The following AGBL5 variants were observed in gnomAD, a reference collection of about 807,000 sequenced individuals.
AGBL5 encodes the protein cytosolic carboxypeptidase-like protein 5.
Under a neutral mutation model 88.0 loss-of-function variants are expected in AGBL5, and 51 were observed. The observed-to-expected ratio is 0.58, with a 90% CI of 0.46 to 0.73. The LOEUF (loss-of-function observed/expected upper bound fraction) is 0.73, where lower values mean the gene tolerates loss of function less well. Among genes scored for constraint, AGBL5 ranks in the 30% least tolerant of loss-of-function variants. The pLI is 0.00. For missense variants in AGBL5, 1,031 were observed against 1,162.2 expected (o/e 0.89, Z 1.64); for synonymous variants, 446 against 438.8 (o/e 1.02, Z -0.21).
At chr2:27,067,811 CTG>C (rs1488432337) in intron 12 of AGBL5, 165 bp downstream of exon 12, 4 of 783,024 alleles carry the variant, frequency 5.1e-6, no homozygotes, top group Admixed American at 2.0e-5. Flanking sequence ...ATTAATGTGT[CTG>C]TGTAATAAAA....
intron 4 of AGBL5, 53 bp from the exon 5 acceptor site, chr2:27,054,577 C>T (rs1668333282): frequency 1.3e-5 from 20 of 1,554,460 alleles, no homozygotes; most frequent in Middle Eastern, 1.7e-4. Context: ...CAAGGCCTAC[C>T]TCTTACTAGG....
upstream of AGBL5, among the ~76,000 whole-genome samples, chr2:27,050,679 CCTGCCCT>C (rs1229192110): frequency 1.3e-5 from 2 of 152,238 alleles, no homozygotes; most frequent in African/African-American, 2.4e-5. Context: ...CCATGGGTCT[CCTGCCCT>C]GGCAGGTTCC....
Position 27,059,324 on chromosome 2 carries a change from A to T in AGBL5, c.2009A>T (p.His670Leu). ...AAGAATTCCCCCAGCTTTCCTTTTC[A>T]TGGCAGTCGGCCTGCAGGGCTGCCA... ...QMKNSPSFPF[H>L]GSRPAGLPGL... Residue 670 changes from histidine to leucine, a missense_variant, in exon 11 of 15, where the codon CAT (histidine) becomes CTT (leucine). Transcript: ENST00000360131. 1 of 1,614,154 alleles carries T rather than the reference A, an allele frequency of 6.2e-7. No individual in the cohort carries two copies. Among genetic ancestry groups the T allele is most frequent in the Non-Finnish European group, 8.5e-7 (1 of 1,180,018 alleles).
At position 27,055,848 on chromosome 2, in the gene AGBL5, G is replaced by A. The variant is rs1264422740; in HGVS notation, c.1075G>A (p.Asp359Asn). The A allele has an allele frequency of 1.9e-6, 3 of 1,614,052 alleles. No homozygotes were observed. Among genetic ancestry groups the A allele is most frequent in the East Asian group, 2.2e-5 (1 of 44,898 alleles). The stretch of plus-strand genomic sequence containing the variant: ...CCAGCCCAGTTCCTGTCTCCCTCCT[G>A]ATGCTCCTGTTTCTGACCTGGAGAA... ...EHQPSSCLPP[D>N]APVSDLEKAN... The change falls in exon 7 of 15, where the codon GAT becomes AAT. Residue 359 changes from aspartate to asparagine, a missense_variant. By Grantham distance (23) the Asp-to-Asn change is conservative. Transcript: ENST00000360131.
chr2:27,057,199 CT>C, intron 8 of AGBL5, 103 bp from the exon 9 acceptor site: 1 of 1,336,930 alleles, frequency 7.5e-7, no homozygotes, highest in East Asian at 2.4e-5. Flanking sequence ...TTTGTGTTCA[CT>C]TTTTTCCAAG....
At chr2:27,055,454 C>A in intron 6 of AGBL5, 1 of 854,202 alleles carries the variant, frequency 1.2e-6, no homozygotes, top group Non-Finnish European at 1.8e-6. Flanking sequence ...AGGATGACTG[C>A]AGGCCCATCT....
At chr2:27,054,869 A>C in intron 5 of AGBL5, 62 bp downstream of exon 5, 1 of 1,562,094 alleles carries the variant, frequency 6.4e-7, no homozygotes, top group South Asian at 1.2e-5. Flanking sequence ...TACTGTTTAT[A>C]GCTAAAGACT....
chr2:27,054,212 C>G (rs867879099), intron 4 of AGBL5, 153 bp downstream of exon 4: 3 of 978,786 alleles, frequency 3.1e-6, no homozygotes, highest in East Asian at 5.3e-5. Flanking sequence ...CCTTTGAAAA[C>G]TATGTTTCTG....
chr2:27,067,853 A>G (rs543957360), intron 12 of AGBL5: 15 of 668,882 alleles, frequency 2.2e-5, no homozygotes, highest in Admixed American at 4.4e-5. Context: ...AACATTTACT[A>G]TGTGCCAGGC....
intron 8 of AGBL5, 46 bp from the exon 9 acceptor site, chr2:27,057,257 T>C: frequency 6.3e-7 from 1 of 1,576,792 alleles, no homozygotes; most frequent in African/African-American, 1.3e-5. Context: ...GGTTCTGTCC[T>C]GGTATCTGTT....
intron 1 of AGBL5, chr2:27,052,666 T>C (rs1216805661): frequency 4.0e-6 from 1 of 247,728 alleles, no homozygotes; most frequent in Non-Finnish European, 7.6e-6. Context: ...GAGTTTTATT[T>C]GGGAACAGCC....
intron 11 of AGBL5, among the ~76,000 whole-genome samples, chr2:27,065,852 G>C (rs1668959344): frequency 1.3e-5 from 2 of 152,212 alleles, no homozygotes; most frequent in African/African-American, 4.8e-5. Flanking sequence ...TAGCCATGGG[G>C]TCTATAGCAG....
At chr2:27,059,595 G>A (rs1572823851) in intron 11 of AGBL5, 191 bp downstream of exon 11, 1 of 1,366,712 alleles carries the variant, frequency 7.3e-7, no homozygotes, top group Non-Finnish European at 9.8e-7. Flanking sequence ...GCGGTATTGT[G>A]TGTGGCCAGA....
chr2:27,053,647 C>G lies in AGBL5; in HGVS notation c.387+74C>G, dbSNP rs1199928215. On this transcript the variant is annotated intron_variant, in intron 3 of 14. Transcript: ENST00000360131. The surrounding 1 kb of genome is among the most constrained non-coding windows in gnomAD (Gnocchi z 4.9). ...GAGGAAAGTAAAGCGTTTTTTTTTC[C>G]TTGATACAAGTATGAAGCAGGTGGG... The G allele has an allele frequency of 6.5e-7, 1 of 1,529,994 alleles. No individual in the cohort carries two copies. Among genetic ancestry groups the G allele is most frequent in the Admixed American group, 2.1e-5 (1 of 47,388 alleles). 94.8% of individuals were successfully genotyped at this position (1,529,994 alleles called of 1,614,324 possible).
rs1669180056 is a variant in AGBL5 at position 27,069,649 on chromosome 2, C to T, written c.2432C>T (p.Thr811Ile). The T allele has an allele frequency of 1.2e-6, 2 of 1,614,108 alleles. No individual in the cohort carries two copies. The highest frequency in any genetic ancestry group is 1.7e-6 in the Non-Finnish European group (2 of 1,179,974). The change falls in exon 14 of 15, where the codon ACC becomes ATC. Residue 811 changes from threonine (T) to isoleucine (I), a missense_variant. By Grantham distance (89) the Thr-to-Ile change is moderately conservative. This residue lies in a region of AGBL5 where 491 missense variants were observed against 484.0 expected (regional missense o/e 1.01). Transcript: ENST00000360131. ...MKGSSGPTSPTPRTRESSELE... is the reference protein window; with the variant it reads ...MKGSSGPTSPIPRTRESSELE... ...GGCTCTTCAGGCCCCACATCCCCTACCCCCCGGACCAGGGAGAGCAGTGAG... is the reference window on the plus strand; with the variant it reads ...GGCTCTTCAGGCCCCACATCCCCTATCCCCCGGACCAGGGAGAGCAGTGAG...
intron 13 of AGBL5, 53 bp from the exon 14 acceptor site, chr2:27,069,520 G>A: frequency 1.3e-6 from 2 of 1,591,262 alleles, no homozygotes; most frequent in Non-Finnish European, 1.7e-6. Flanking sequence ...CAAACTAAAA[G>A]CAAAAAACTC....
At chr2:27,051,224 C>T (rs893616854), upstream of AGBL5, among the ~76,000 whole-genome samples, 9 of 152,162 alleles carry the variant, frequency 5.9e-5, no homozygotes, top group African/African-American at 1.4e-4. Flanking sequence ...GGGGGATTAG[C>T]TCAAATGGTA....
At chr2:27,059,544 C>T in intron 11 of AGBL5, 140 bp downstream of exon 11, 1 of 1,519,558 alleles carries the variant, frequency 6.6e-7, no homozygotes, top group Non-Finnish European at 8.8e-7. Flanking sequence ...AACCTGTGGC[C>T]TCTCCTACGA....
rs779601766 is a variant in AGBL5, at chr2:27,070,095, G to A, written c.2493G>A (p.Leu831=). The stretch of plus-strand genomic sequence containing the variant: ...TCCTCTCTCTTTTCTGTTGCAGGCT[G>A]CCTCAGGCCAGGCCCCCACGGCCCC... The part of the protein sequence containing the change: ...ELGSCSATPG[L]PQARPPRPRS... Residue 831 remains leucine, a synonymous_variant, in exon 15 of 15, where the codon CTG becomes CTA. Coordinates refer to ENST00000360131, the MANE Select transcript of AGBL5 (RefSeq NM_021831.6). The A allele has an allele frequency of 1.2e-5, 19 of 1,610,468 alleles. No homozygotes were observed. The Admixed American group carries it at 1.7e-4, about 14-fold the overall frequency.
Sources: gnomAD v4.1 joint callset for allele counts (sites outside exome capture counted in the v4.1 genomes callset) on GRCh38, gnomAD v4.1.1 for gene constraint, gnomAD v4.1.1 regional missense constraint, Gnocchi (gnomAD v3.1) non-coding constraint, MANE v1.5 for transcripts, NCBI Gene and HGNC (gene_info 2026-07-23, HGNC 2026-07-21) for gene names.